Variants in CCDC192 observed in about 807,000 individuals in gnomAD.
The protein encoded by CCDC192 is coiled-coil domain containing 192.
chr5:127,883,638 GT>G (rs1240438607), intron 6 of CCDC192, among the ~76,000 whole-genome samples: 1 of 152,224 alleles, frequency 6.6e-6, no homozygotes, highest in Non-Finnish European at 1.5e-5. Flanking sequence ...TGTTTCAGGA[GT>G]CCCTGCAGAG....
intron 3 of CCDC192, among the ~76,000 whole-genome samples, chr5:127,774,471 G>T (rs1166310767): frequency 6.6e-6 from 1 of 152,040 alleles, no homozygotes; most frequent in Non-Finnish European, 1.5e-5. Flanking sequence ...CTAACATGTT[G>T]GTTATCCATT....
intron 5 of CCDC192, chr5:127,857,572 T>A (rs1751155043): frequency 6.6e-6 from 1 of 152,200 alleles, no homozygotes; most frequent in Non-Finnish European, 1.5e-5. Flanking sequence ...ATTTTATATA[T>A]ATGAGAGAGA....
intron 2 of CCDC192, among the ~76,000 whole-genome samples, chr5:127,746,074 T>C (rs1221190125): frequency 2.0e-5 from 3 of 152,228 alleles, no homozygotes; most frequent in Non-Finnish European, 2.9e-5. Flanking sequence ...TGCTTGCTTT[T>C]GTATAAGCTC....
chr5:127,845,776 T>C (rs1451216597), intron 5 of CCDC192, among the ~76,000 whole-genome samples: 2 of 152,210 alleles, frequency 1.3e-5, no homozygotes, highest in Non-Finnish European at 2.9e-5. Flanking sequence ...AAAATTATGC[T>C]GAGTCAAGAG....
intron 3 of CCDC192, chr5:127,786,015 A>C: frequency 1.7e-6 from 1 of 600,442 alleles, no homozygotes; most frequent in Admixed American, 2.6e-5. Context: ...GACCCTGATT[A>C]TGAATCTGTG....
intron 5 of CCDC192, among the ~76,000 whole-genome samples, chr5:127,819,753 C>T (rs1749197223): frequency 6.6e-6 from 1 of 152,120 alleles, no homozygotes; most frequent in Non-Finnish European, 1.5e-5. Flanking sequence ...CCACCACGAT[C>T]CCTATAAAAC....
At chr5:127,937,053 A>G (rs1754206214) in intron 6 of CCDC192, among the ~76,000 whole-genome samples, 1 of 152,246 alleles carries the variant, frequency 6.6e-6, no homozygotes, top group African/African-American at 2.4e-5. Flanking sequence ...CACTTTGCTA[A>G]AGAGTTTTAA....
In CCDC192 at chr5:127,934,176, A is replaced by G. The variant is rs527645317; in HGVS notation, c.536-7006A>G. Among the ~76,000 whole-genome samples the G allele has an allele frequency of 4.2e-5, 5 of 119,780 alleles. No homozygotes were observed. In the South Asian group the frequency reaches 9.0e-4, roughly 22 times the overall value. 78.6% of individuals were successfully genotyped at this position (119,780 alleles called of 152,430 possible). ...CTGCAGCCCTTCCATCATGATCTCA[A>G]CTAAGTATTTGTTCCCTTCTAAGTC... On this transcript the variant is annotated intron_variant, in intron 6 of 6. Transcript: ENST00000514853.
intron 3 of CCDC192, among the ~76,000 whole-genome samples, chr5:127,795,676 G>T (rs925985439): frequency 6.6e-6 from 1 of 152,004 alleles, no homozygotes; most frequent in African/African-American, 2.4e-5. Flanking sequence ...CGCCTCCTGG[G>T]TTCAAGTGAT....
At chr5:127,823,562 G>A (rs189964707) in intron 5 of CCDC192, among the ~76,000 whole-genome samples, 93 of 152,198 alleles carry the variant, frequency 6.1e-4, no homozygotes, top group African/African-American at 2.1e-3. Context: ...ACTCTACTAG[G>A]CCAGCTTTCC....
At chr5:127,780,571 T>G (rs998139053) in intron 3 of CCDC192, among the ~76,000 whole-genome samples, 1 of 152,138 alleles carries the variant, frequency 6.6e-6, no homozygotes, top group African/African-American at 2.4e-5. Flanking sequence ...TCCTGATCAT[T>G]AGTGATGTTG....
intron 3 of CCDC192, among the ~76,000 whole-genome samples, chr5:127,763,908 G>T (rs1755068958): frequency 6.6e-6 from 1 of 152,050 alleles, no homozygotes; most frequent in African/African-American, 2.4e-5. Context: ...TCCTCAGTTA[G>T]ATGCCATTCC....
At chr5:127,845,133 A>G (rs1466793862) in intron 5 of CCDC192, among the ~76,000 whole-genome samples, 5 of 152,210 alleles carry the variant, frequency 3.3e-5, no homozygotes, top group African/African-American at 9.6e-5. Context: ...ACCATCTAAG[A>G]AAAGCAAGAA....
chr5:127,751,057 A>T, intron 2 of CCDC192, among the ~76,000 whole-genome samples: 1 of 145,714 alleles, frequency 6.9e-6, no homozygotes, highest in African/African-American at 2.6e-5. Flanking sequence ...ATGGGTCTTG[A>T]CTCTTTATCC....
intron 2 of CCDC192, among the ~76,000 whole-genome samples, chr5:127,716,079 TGA>T (rs1187159172): frequency 6.6e-6 from 1 of 152,222 alleles, no homozygotes; most frequent in East Asian, 1.9e-4. Context: ...CCAAATTTGT[TGA>T]GAGTTTTTAT....
chr5:127,814,928 T>A (rs528602350), intron 5 of CCDC192, among the ~76,000 whole-genome samples: 9 of 152,372 alleles, frequency 5.9e-5, no homozygotes, highest in African/African-American at 2.2e-4. Flanking sequence ...AAATATTTTT[T>A]AATTAGTTTT....
At chr5:127,828,151 C>A (rs1026331038) in intron 5 of CCDC192, among the ~76,000 whole-genome samples, 3 of 152,174 alleles carry the variant, frequency 2.0e-5, no homozygotes, top group African/African-American at 7.2e-5. Flanking sequence ...AGGTGGTCTG[C>A]CCACCTCGGC....
chr5:127,788,520 A>G (rs766959015), intron 3 of CCDC192, among the ~76,000 whole-genome samples: 3 of 152,188 alleles, frequency 2.0e-5, no homozygotes, highest in Admixed American at 1.3e-4. Flanking sequence ...AAATTAAAAT[A>G]TTACTAATAA....
At chr5:127,862,630 A>G (rs1286572525) in intron 5 of CCDC192, among the ~76,000 whole-genome samples, 1 of 152,214 alleles carries the variant, frequency 6.6e-6, no homozygotes, top group Non-Finnish European at 1.5e-5. Flanking sequence ...ATCCCAAACT[A>G]TAGAACAATA....
Sources: allele counts gnomAD v4.1 joint callset (sites outside exome capture counted in the v4.1 genomes callset), GRCh38; gene constraint gnomAD v4.1.1; transcripts MANE v1.5; gene names NCBI Gene and HGNC (gene_info 2026-07-23, HGNC 2026-07-21).